Variants in ISOC1 observed in about 807,000 individuals in gnomAD.
The protein encoded by ISOC1 is isochorismatase domain containing 1, also known as isochorismatase domain-containing protein 1.
In ISOC1, 33 loss-of-function variants were observed where a neutral mutation model predicts 30.0. That is an observed-to-expected ratio of 1.10 (90% CI 0.83 to 1.47). The LOEUF (loss-of-function observed/expected upper bound fraction) is 1.47, where lower values mean the gene tolerates loss of function less well. Among genes scored for constraint, ISOC1 ranks in the 40% most tolerant of loss-of-function variants. ISOC1 has a pLI of 0.00. For missense variants in ISOC1, 372 were observed against 388.0 expected (o/e 0.96, Z 0.35); for synonymous variants, 178 against 159.8 (o/e 1.11, Z -0.86).
At chr5:129,104,818 C>A in intron 1 of ISOC1, 138 bp from the exon 2 acceptor site, 2 of 743,214 alleles carry the variant, frequency 2.7e-6, no homozygotes, top group Admixed American at 3.4e-5. Flanking sequence ...AATTCAGATA[C>A]TTTTTTTGGA....
intron 4 of ISOC1, among the ~76,000 whole-genome samples, chr5:129,111,865 C>T (rs988655378): frequency 6.6e-6 from 1 of 152,104 alleles, no homozygotes; most frequent in Non-Finnish European, 1.5e-5. Flanking sequence ...TTTGACCTGT[C>T]AGTGAAACTT....
Position 129,106,934 on chromosome 5 carries a change from C to G in ISOC1, c.634-12C>G. 1 of 1,580,538 alleles carries G rather than the reference C, an allele frequency of 6.3e-7. No homozygotes were observed. ...TATGTTATTACATATGATTCTTGTA[C>G]TTTCCTACTAGACTCATGTGTGCAT... On this transcript the variant is annotated splice_polypyrimidine_tract_variant and intron_variant, in intron 3 of 4. Transcript: ENST00000173527.
intron 1 of ISOC1, among the ~76,000 whole-genome samples, chr5:129,097,290 A>G (rs944595964): frequency 1.3e-5 from 2 of 152,170 alleles, no homozygotes; most frequent in Non-Finnish European, 2.9e-5. Context: ...AGAGGTAGAT[A>G]AAGGAAGGGG....
At chr5:129,097,424 CAGAA>C (rs1018842651) in intron 1 of ISOC1, among the ~76,000 whole-genome samples, 1 of 151,978 alleles carries the variant, frequency 6.6e-6, no homozygotes, top group Non-Finnish European at 1.5e-5. Flanking sequence ...TGTATAATCT[CAGAA>C]AGTCATGATA....
At chr5:129,110,750 C>T (rs1221064488) in intron 4 of ISOC1, among the ~76,000 whole-genome samples, 2 of 152,176 alleles carry the variant, frequency 1.3e-5, no homozygotes, top group Non-Finnish European at 2.9e-5. Context: ...GTAGCGTCAC[C>T]AGATTCCTTC....
chr5:129,098,335 T>G (rs551190475), intron 1 of ISOC1, among the ~76,000 whole-genome samples: 67 of 152,334 alleles, frequency 4.4e-4, no homozygotes, highest in African/African-American at 1.2e-3. Flanking sequence ...CTCAGGTAGA[T>G]GAAGGCATAG....
Position 129,104,937 on chromosome 5 carries a change from C to A in ISOC1, c.310-19C>A, listed in dbSNP as rs1014839881. On this transcript the variant is annotated intron_variant, in intron 1 of 4. Coordinates refer to ENST00000173527, the MANE Select transcript of ISOC1 (RefSeq NM_016048.2). ...ATTGTACAACAAGTGCTAAATCATT[C>A]TTTTTCTTTTTTCCTCAGCTCACTA... 6.2e-7 allele frequency: 1 copy of A among 1,609,630 alleles called. No homozygotes were observed. Among genetic ancestry groups the A allele is most frequent in the Non-Finnish European group, 8.5e-7 (1 of 1,178,838 alleles).
chr5:129,113,568 T>G lies in ISOC1; in HGVS notation c.*567T>G, dbSNP rs1753738281. 6.6e-6 allele frequency: 1 copy of G among 152,236 alleles called. No homozygotes were observed. The highest frequency in any genetic ancestry group is 1.5e-5 in the Non-Finnish European group (1 of 68,056). The allele number at this position is 152,236 out of a possible 1,614,324, so 9.4% of individuals were successfully genotyped here. On this transcript the variant is annotated 3_prime_UTR_variant, in exon 5 of 5. Coordinates refer to ENST00000173527, the MANE Select transcript of ISOC1 (RefSeq NM_016048.2). ...TCCGTACCAAATGATGTTGAATAAT[T>G]ACATATCTTTCTTGACTATACTGAT...
In ISOC1 at chr5:129,094,824, G is replaced by A. The variant is rs766315998; in HGVS notation, c.58G>A (p.Gly20Arg). ...CCCCAACAGCGGCGCCGGGGGCGCG[G>A]GGGCGCCGTCGGGCACAGTCCCGGT... The part of the protein sequence containing the change: ...ALPNSGAGGA[G>R]APSGTVPVLF... Residue 20 changes from glycine to arginine, a missense_variant, in exon 1 of 5, where the codon GGG becomes AGG. Gly to Arg is a moderately radical substitution (Grantham distance 125, BLOSUM62 -2). Coordinates refer to ENST00000173527, the MANE Select transcript of ISOC1 (RefSeq NM_016048.2). 7.1e-6 allele frequency: 11 copies of A among 1,543,014 alleles called. No individual in the cohort carries two copies. The highest frequency in any genetic ancestry group is 9.6e-6 in the Non-Finnish European group (11 of 1,147,944).
intron 4 of ISOC1, among the ~76,000 whole-genome samples, chr5:129,110,274 A>T (rs1179355594): frequency 6.6e-6 from 1 of 152,134 alleles, no homozygotes. Context: ...ATGCACATGT[A>T]CCTGTGTGCA....
In ISOC1 at chr5:129,104,959, A is replaced by G. The variant is rs1561422542; in HGVS notation, c.313A>G (p.Thr105Ala). The G allele has an allele frequency of 6.2e-7, 1 of 1,612,918 alleles. No homozygotes were observed. Among genetic ancestry groups the G allele is most frequent in the Non-Finnish European group, 8.5e-7 (1 of 1,179,490 alleles). Residue 105 changes from threonine (T) to alanine (A), a missense_variant, in exon 2 of 5, where the codon ACT (threonine) becomes GCT (alanine). Transcript: ENST00000173527. ...VRLVPLQIQL[T>A]TLGNLTPSST... is the part of the protein sequence containing the mutation. The stretch of plus-strand genomic sequence containing the variant: ...ATTCTTTTTCTTTTTTCCTCAGCTC[A>G]CTACCCTGGGAAATCTTACACCTTC...
At chr5:129,105,462 T>C in intron 3 of ISOC1, 74 bp downstream of exon 3, 1 of 1,265,952 alleles carries the variant, frequency 7.9e-7, no homozygotes. Context: ...TGTAATTTCA[T>C]ATATGGTATG....
Position 129,106,929 on chromosome 5 carries a change from T to C in ISOC1, c.634-17T>C, listed in dbSNP as rs951257078. The stretch of plus-strand genomic sequence containing the variant: ...TTTATTATGTTATTACATATGATTC[T>C]TGTACTTTCCTACTAGACTCATGTG... On this transcript the variant is annotated splice_polypyrimidine_tract_variant and intron_variant, in intron 3 of 4. Transcript: ENST00000173527. 2 of 1,568,702 alleles carry C rather than the reference T, an allele frequency of 1.3e-6. No homozygotes were observed. Among genetic ancestry groups the C allele is most frequent in the Non-Finnish European group, 1.8e-6 (2 of 1,139,194 alleles).
rs1211911347 is a variant in ISOC1 at position 129,105,386 on chromosome 5, G to C, written c.631G>C (p.Glu211Gln). ...CAGGAGTGTTGTATTATTTGGAGTAGAAGTAAGTACCTGTTACTATCATTT... is the reference window on the plus strand; with the variant it reads ...CAGGAGTGTTGTATTATTTGGAGTACAAGTAAGTACCTGTTACTATCATTT... Reference protein sequence around the residue: ...GVRSVVLFGVETHVCIQQTAL... With the variant: ...GVRSVVLFGVQTHVCIQQTAL... Residue 211 changes from glutamate (E) to glutamine (Q), a missense_variant and splice_region_variant, in exon 3 of 5, where the codon GAA (glutamate) becomes CAA (glutamine). Coordinates refer to ENST00000173527, the MANE Select transcript of ISOC1 (RefSeq NM_016048.2). The C allele has an allele frequency of 2.5e-6, 4 of 1,610,992 alleles. No individual in the cohort carries two copies. The highest frequency in any genetic ancestry group is 3.4e-6 in the Non-Finnish European group (4 of 1,177,438).
Position 129,104,967 on chromosome 5 carries a change from G to C in ISOC1, c.321G>C (p.Leu107=), listed in dbSNP as rs1175105970. The C allele has an allele frequency of 1.2e-6, 2 of 1,613,128 alleles. No individual in the cohort carries two copies. Among genetic ancestry groups the C allele is most frequent in the Admixed American group, 3.3e-5 (2 of 59,956 alleles). Residue 107 remains leucine (L), a synonymous_variant, in exon 2 of 5, where the codon CTG becomes CTC. Transcript: ENST00000173527. ...TCTTTTTTCCTCAGCTCACTACCCT[G>C]GGAAATCTTACACCTTCAAGCACTG... ...LVPLQIQLTT[L]GNLTPSSTVF...
At chr5:129,096,081 G>A (rs1278474630) in intron 1 of ISOC1, among the ~76,000 whole-genome samples, 2 of 152,010 alleles carry the variant, frequency 1.3e-5, no homozygotes, top group Non-Finnish European at 2.9e-5. Flanking sequence ...GTTTTTATGG[G>A]CACATAATAG....
chr5:129,102,550 T>G (rs1035493332), intron 1 of ISOC1, among the ~76,000 whole-genome samples: 7 of 152,212 alleles, frequency 4.6e-5, no homozygotes, highest in African/African-American at 1.7e-4. Context: ...GATTTATTCT[T>G]TTAAACACCT....
intron 1 of ISOC1, 98 bp downstream of exon 1, chr5:129,095,173 C>G (rs1448644435): frequency 2.4e-6 from 3 of 1,228,946 alleles, no homozygotes; most frequent in African/African-American, 3.2e-5. Context: ...TGCCCCGAGC[C>G]GCCCGGGACC....
Position 129,113,250 on chromosome 5 carries a change from A to C in ISOC1, c.*249A>C, listed in dbSNP as rs1753734183. On this transcript the variant is annotated 3_prime_UTR_variant, in exon 5 of 5. Coordinates refer to ENST00000173527, the MANE Select transcript of ISOC1 (RefSeq NM_016048.2). ...TAATGTGCTTTTATTTATTAAAAAA[A>C]ATTACAATGAAGATGCCTGTTTTGT... The C allele has an allele frequency of 2.9e-6, 1 of 339,976 alleles. No homozygotes were observed. Among genetic ancestry groups the C allele is most frequent in the Non-Finnish European group, 5.3e-6 (1 of 187,142 alleles). The allele number at this position is 339,976 out of a possible 1,614,324, so 21.1% of individuals were successfully genotyped here. A position where few individuals can be genotyped will look rare whatever the true frequency, so the allele number is the denominator to read the frequency against.
Sources: allele counts gnomAD v4.1 joint callset (sites outside exome capture counted in the v4.1 genomes callset), GRCh38; gene constraint gnomAD v4.1.1; transcripts MANE v1.5; gene names NCBI Gene and HGNC (gene_info 2026-07-23, HGNC 2026-07-21).